The following PRDX2 variants were observed in gnomAD, a reference collection of about 807,000 sequenced individuals.
The protein encoded by PRDX2 is peroxiredoxin 2.
In PRDX2, 10 loss-of-function variants were observed where a neutral mutation model predicts 19.8. The ratio of observed to expected loss-of-function variants is 0.50; its 90% CI spans 0.31 to 0.86. The LOEUF is 0.86. Ranked by LOEUF, PRDX2 falls within the 40% of genes least tolerant of loss-of-function variation. The pLI is 0.04. For missense variants in PRDX2, 226 were observed against 260.1 expected (o/e 0.87, Z 0.90); for synonymous variants, 118 against 108.2 (o/e 1.09, Z -0.56).
At chr19:12,800,453 G>A in intron 3 of PRDX2, 154 bp from the exon 4 acceptor site, 1 of 1,022,254 alleles carries the variant, frequency 9.8e-7, no homozygotes, top group Non-Finnish European at 1.4e-6. Context: ...TGGGTTGGGT[G>A]CAAGGACTGT....
At chr19:12,800,714 C>G (rs1391570916) in intron 3 of PRDX2, 10 of 1,478,282 alleles carry the variant, frequency 6.8e-6, no homozygotes, top group Non-Finnish European at 9.0e-6. Context: ...TGAGTTGCAT[C>G]TGCAACTCTA....
At chr19:12,798,497 A>G (rs543603723) in intron 5 of PRDX2, among the ~76,000 whole-genome samples, 40 of 152,050 alleles carry the variant, frequency 2.6e-4, no homozygotes, top group Admixed American at 7.9e-4. Context: ...GATTACAGGC[A>G]TGCACCACCA....
At chr19:12,801,337 C>A in intron 1 of PRDX2, 67 bp from the exon 2 acceptor site, 1 of 1,479,228 alleles carries the variant, frequency 6.8e-7, no homozygotes, top group Non-Finnish European at 9.3e-7. Context: ...GGTCGCGCTG[C>A]GTGCTGGGCC....
At position 12,797,114 on chromosome 19, in the gene PRDX2, A is replaced by G; in HGVS notation, c.564T>C (p.Asp188=). The change falls in exon 6 of 6, where the codon GAT becomes GAC. Residue 188 remains aspartate (D), a synonymous_variant. Transcript: ENST00000301522. The part of the protein sequence containing the change: ...PGSDTIKPNV[D]DSKEYFSKHN Reference sequence around the variant, plus strand: ...GTTTGGAGAAATATTCCTTGCTGTCATCCACGTTGGGCTTAATCGTGTCAC... The same window carrying G: ...GTTTGGAGAAATATTCCTTGCTGTCGTCCACGTTGGGCTTAATCGTGTCAC... The G allele has an allele frequency of 6.2e-7, 1 of 1,614,206 alleles. No homozygotes were observed. The highest frequency in any genetic ancestry group is 8.5e-7 in the Non-Finnish European group (1 of 1,180,040).
Position 12,801,146 on chromosome 19 carries a change from G to A in PRDX2, c.103+13C>T, listed in dbSNP as rs1447583729. The stretch of plus-strand genomic sequence containing the variant: ...CCCCGCTTCTACCTGGGCCCCCTCC[G>A]GGCGGCGCTCACCTTTGTAGTCCGA... On this transcript the variant is annotated intron_variant, in intron 2 of 5. Transcript: ENST00000301522. 1 of 1,613,898 alleles carries A rather than the reference G, an allele frequency of 6.2e-7. No homozygotes were observed. The highest frequency in any genetic ancestry group is 8.5e-7 in the Non-Finnish European group (1 of 1,179,982).
chr19:12,800,732 G>A, intron 3 of PRDX2, 184 bp downstream of exon 3: 1 of 1,506,264 alleles, frequency 6.6e-7, no homozygotes, highest in South Asian at 1.3e-5. Flanking sequence ...CTATATACCA[G>A]GCAACTAGTT....
chr19:12,801,221 T>G lies in PRDX2; in HGVS notation c.41A>C (p.Asp14Ala), dbSNP rs778233072. The G allele has an allele frequency of 2.5e-6, 4 of 1,613,962 alleles. No individual in the cohort carries two copies. In the East Asian group the frequency reaches 8.9e-5, roughly 36 times the overall value. ...GNARIGKPAPDFKATAVVDGA... is the reference protein window; with the variant it reads ...GNARIGKPAPAFKATAVVDGA... ...ATCAACCACCGCTGTGGCCTTGAAG[T>G]CAGGGGCTGGCTTTCCGATGCGCGC... The change falls in exon 2 of 6, where the codon GAC (aspartate) becomes GCC (alanine). Residue 14 changes from aspartate to alanine, a missense_variant. By Grantham distance (126) the Asp-to-Ala change is moderately radical (BLOSUM62 -2). Transcript: ENST00000301522.
rs1347842072 is a variant in PRDX2, at chr19:12,799,866, A to G, written c.504T>C (p.His168=). 1 of 1,612,232 alleles carries G rather than the reference A, an allele frequency of 6.2e-7. No individual in the cohort carries two copies. The highest frequency in any genetic ancestry group is 2.2e-5 in the East Asian group (1 of 44,870). The change falls in exon 5 of 6, where the codon CAT becomes CAC. Residue 168 remains histidine (H), a synonymous_variant. Coordinates refer to ENST00000301522, the MANE Select transcript of PRDX2 (RefSeq NM_005809.6). ...ATGTGTGTATCTGCTCACCTTCCCCATGCTCGTCTGTGTACTGGAAGGCCT... is the reference window on the plus strand; with the variant it reads ...ATGTGTGTATCTGCTCACCTTCCCCGTGCTCGTCTGTGTACTGGAAGGCCT... ...LVQAFQYTDE[H]GEVCPAGWKP... is the part of the protein sequence containing the mutation.
intron 3 of PRDX2, 172 bp from the exon 4 acceptor site, chr19:12,800,471 T>A: frequency 1.1e-6 from 1 of 910,248 alleles, no homozygotes; most frequent in Non-Finnish European, 1.6e-6. Context: ...TGTATCCCCA[T>A]GGCTGGGAAG....
chr19:12,800,491 G>C (rs1459047307), intron 3 of PRDX2, 192 bp from the exon 4 acceptor site: 1 of 823,710 alleles, frequency 1.2e-6, no homozygotes, highest in Non-Finnish European at 1.9e-6. Flanking sequence ...GACTGAGTTT[G>C]AGAGGCACAG....
At chr19:12,797,773 T>A (rs1968818909) in intron 5 of PRDX2, among the ~76,000 whole-genome samples, 1 of 150,432 alleles carries the variant, frequency 6.6e-6, no homozygotes, top group African/African-American at 2.4e-5. Context: ...TTCTCCTGCC[T>A]TAGCCTCCTG....
chr19:12,797,235 C>G, intron 5 of PRDX2, 69 bp from the exon 6 acceptor site: 1 of 1,375,348 alleles, frequency 7.3e-7, no homozygotes, highest in Non-Finnish European at 1.0e-6. Context: ...AAGCAAGGGC[C>G]TGTGTTGCAG....
chr19:12,796,870 TG>T lies in PRDX2; in HGVS notation c.*210del, dbSNP rs753316112. On this transcript the variant is annotated 3_prime_UTR_variant, in exon 6 of 6. Coordinates refer to ENST00000301522, the MANE Select transcript of PRDX2 (RefSeq NM_005809.6). ...GGTTACCTCTAGGCCTGTGTGCGGC[TG>T]GGTGGGCTTGGGGGAGGGCGTCACT... 2.3e-5 allele frequency: 13 copies of T among 572,082 alleles called. No homozygotes were observed. The highest frequency in any genetic ancestry group is 3.8e-5 in the Non-Finnish European group (12 of 318,846). The allele number at this position is 572,082 out of a possible 1,614,324, so 35.4% of individuals were successfully genotyped here. A position where few individuals can be genotyped will look rare whatever the true frequency, so the allele number is the denominator to read the frequency against.
At chr19:12,800,048 A>G in intron 4 of PRDX2, 59 bp from the exon 5 acceptor site, 1 of 1,605,022 alleles carries the variant, frequency 6.2e-7, no homozygotes, top group Non-Finnish European at 8.5e-7. Flanking sequence ...GAGACAAGGA[A>G]GGGACTACCA....
At position 12,800,262 on chromosome 19, in the gene PRDX2, G is replaced by A. The variant is rs1056648; in HGVS notation, c.295C>T (p.Leu99=). The A allele has an allele frequency of 1.2e-6, 2 of 1,613,512 alleles. No individual in the cohort carries two copies. The highest frequency in any genetic ancestry group is 1.7e-6 in the Non-Finnish European group (2 of 1,179,910). The change falls in exon 4 of 6, where the codon CTG becomes TTG. Residue 99 remains leucine (L), a synonymous_variant. Transcript: ENST00000301522. ...ACGTCAGCAAGCAGGGGGATGTTCA[G>A]GGGGCCCAAGCCTCCCTCTTTCCGG... The part of the protein sequence containing the change: ...TPRKEGGLGP[L]NIPLLADVTR...
chr19:12,800,693 A>T, intron 3 of PRDX2: 5 of 1,464,140 alleles, frequency 3.4e-6, no homozygotes, highest in Non-Finnish European at 4.5e-6. Flanking sequence ...TAGAGTAGAT[A>T]GAGTTGCATC....
chr19:12,801,124 C>T, intron 2 of PRDX2, 35 bp downstream of exon 2: 1 of 1,613,812 alleles, frequency 6.2e-7, no homozygotes, highest in Non-Finnish European at 8.5e-7. Flanking sequence ...TGCACGGCCC[C>T]GCTTCTACCT....
intron 5 of PRDX2, among the ~76,000 whole-genome samples, chr19:12,797,900 T>C (rs1183382187): frequency 6.6e-6 from 1 of 151,788 alleles, no homozygotes; most frequent in Non-Finnish European, 1.5e-5. Context: ...CTTCAGGTGA[T>C]CCACCCACCT....
At chr19:12,797,961 A>C (rs1341664692) in intron 5 of PRDX2, among the ~76,000 whole-genome samples, 1 of 151,816 alleles carries the variant, frequency 6.6e-6, no homozygotes, top group African/African-American at 2.4e-5. Flanking sequence ...CACCTGGCCA[A>C]GTTCAGTATT....
Sources: allele counts gnomAD v4.1 joint callset (sites outside exome capture counted in the v4.1 genomes callset), GRCh38; gene constraint gnomAD v4.1.1; transcripts MANE v1.5; gene names NCBI Gene and HGNC (gene_info 2026-07-23, HGNC 2026-07-21).